The following KIF26B variants were observed in gnomAD, a reference collection of about 807,000 sequenced individuals.
KIF26B encodes kinesin family member 26B, also known as kinesin-like protein KIF26B.
KIF26B carries 63 observed loss-of-function variants against 151.2 expected under a neutral mutation model. That is an observed-to-expected ratio of 0.42 (90% confidence interval 0.34 to 0.51). KIF26B has a LOEUF of 0.51. KIF26B is among the 20% of genes least tolerant of loss of function. The pLI is 0.07. For synonymous variants in KIF26B, 1,357 were observed against 1,262.1 expected, an observed-to-expected ratio of 1.08 and a Z score of -1.59; for missense variants, 2,813 against 2,913.6, an observed-to-expected ratio of 0.97 and a Z score of 0.79.
At chr1:245,312,062 G>A (rs937765226) in intron 2 of KIF26B, among the ~76,000 whole-genome samples, 1 of 152,316 alleles carries the variant, frequency 6.6e-6, no homozygotes, top group Admixed American at 6.5e-5. Context: ...CCTATAAAGA[G>A]CCCAGCATCT....
At chr1:245,561,864 C>T (rs770058548) in intron 5 of KIF26B, among the ~76,000 whole-genome samples, 2 of 152,170 alleles carry the variant, frequency 1.3e-5, no homozygotes, top group African/African-American at 2.4e-5. Context: ...CATCAGTCCA[C>T]CTGATTCTCA....
chr1:245,661,495 C>A (rs1241208986), intron 10 of KIF26B, among the ~76,000 whole-genome samples: 1 of 151,464 alleles, frequency 6.6e-6, no homozygotes, highest in East Asian at 1.9e-4. Context: ...ATATGTACAC[C>A]CATTATATAC....
intron 3 of KIF26B, among the ~76,000 whole-genome samples, chr1:245,372,615 A>G (rs995178347): frequency 6.6e-6 from 1 of 152,170 alleles, no homozygotes; most frequent in African/African-American, 2.4e-5. Flanking sequence ...TGTGACTTTG[A>G]AAGGATGTGT....
intron 2 of KIF26B, among the ~76,000 whole-genome samples, chr1:245,327,069 G>A (rs1672005627): frequency 1.3e-5 from 2 of 152,140 alleles, no homozygotes; most frequent in South Asian, 2.1e-4. Context: ...TTTGTAAACG[G>A]ACCTAAGCCT....
intron 2 of KIF26B, among the ~76,000 whole-genome samples, chr1:245,246,242 A>T (rs1670328926): frequency 6.6e-6 from 1 of 152,216 alleles, no homozygotes; most frequent in African/African-American, 2.4e-5. Context: ...GTCCTTCTTG[A>T]AAAGAACCCC....
At chr1:245,415,638 G>A (rs76044101) in intron 3 of KIF26B, among the ~76,000 whole-genome samples, 2,621 of 152,178 alleles carry the variant, frequency 0.017, 87 homozygotes, top group African/African-American at 0.059. Context: ...AGCAAGCCTC[G>A]CTCTTCTGTT....
intron 4 of KIF26B, among the ~76,000 whole-genome samples, chr1:245,423,479 T>G (rs1469953351): frequency 1.5e-4 from 13 of 85,712 alleles, no homozygotes; most frequent in South Asian, 6.4e-4. Context: ...TATTATAGGG[T>G]TTTTTTTTTT....
chr1:245,552,122 GGTGTGTGTGTGTGTGTGTGTGT>G (rs55650522), intron 5 of KIF26B, among the ~76,000 whole-genome samples: 32 of 131,708 alleles, frequency 2.4e-4, no homozygotes, highest in South Asian at 1.0e-3. Flanking sequence ...GAACCAGCAG[GGTGTGTGTGTGTGTGTGTGTGT>G]GTGTGTGTGT....
In KIF26B at chr1:245,643,477, A is replaced by G. The variant is rs942089683; in HGVS notation, c.2099-2644A>G. Among the ~76,000 whole-genome samples, 32 of 152,354 alleles carry G rather than the reference A, an allele frequency of 2.1e-4. No individual in the cohort carries two copies. The Middle Eastern group carries it at 0.01, about 49-fold the overall frequency. ...CACTTATATAAGGAATAAAAACCTT[A>G]CAATAGTATACTTCCATTTCTCCCG... On this transcript the variant is annotated intron_variant, in intron 9 of 14. Coordinates refer to ENST00000407071, the MANE Select transcript of KIF26B (RefSeq NM_018012.4).
intron 2 of KIF26B, among the ~76,000 whole-genome samples, chr1:245,181,904 G>C (rs576971035): frequency 2.6e-4 from 40 of 152,242 alleles, no homozygotes; most frequent in South Asian, 2.3e-3. Context: ...CAGATAGTTT[G>C]GGTGCAGGCC....
In KIF26B at chr1:245,390,495, G is replaced by A. The variant is rs557870395; in HGVS notation, c.999+23128G>A. Reference sequence around the variant, plus strand: ...TAGGATTACAGGTGTGAGTCACTGCGCCCAGCCTACTTGAGTTTATTTGAT... The same window carrying A: ...TAGGATTACAGGTGTGAGTCACTGCACCCAGCCTACTTGAGTTTATTTGAT... On this transcript the variant is annotated intron_variant, in intron 3 of 14. Transcript: ENST00000407071. 1.0e-3 allele frequency among the ~76,000 whole-genome samples: 154 copies of A among 152,130 alleles called. 1 individual carries two copies. Among genetic ancestry groups the A allele is most frequent in the African/African-American group, 3.5e-3 (147 of 41,496 alleles).
chr1:245,421,466 C>A (rs1470723451), intron 4 of KIF26B, among the ~76,000 whole-genome samples: 1 of 152,086 alleles, frequency 6.6e-6, no homozygotes, highest in Non-Finnish European at 1.5e-5. Flanking sequence ...ACTTGCAATT[C>A]CGATGGCTTC....
At chr1:245,494,023 G>A (rs1386249959) in intron 4 of KIF26B, among the ~76,000 whole-genome samples, 2 of 152,098 alleles carry the variant, frequency 1.3e-5, no homozygotes, top group Non-Finnish European at 2.9e-5. Context: ...AAATCACATG[G>A]CGGGGTGCGG....
At chr1:245,182,643 C>CT (rs1037317559) in intron 2 of KIF26B, among the ~76,000 whole-genome samples, 9 of 149,790 alleles carry the variant, frequency 6.0e-5, no homozygotes, top group South Asian at 4.2e-4. Flanking sequence ...TTTTGAGAAA[C>CT]TTTTTTTTTT....
intron 2 of KIF26B, among the ~76,000 whole-genome samples, chr1:245,315,692 A>G (rs1240070191): frequency 1.3e-5 from 2 of 149,838 alleles, no homozygotes; most frequent in African/African-American, 4.9e-5. Context: ...ACTGCACTCC[A>G]GCCTGGGTGA....
Position 245,200,563 on chromosome 1 carries a change from C to G in KIF26B, c.465+43880C>G, listed in dbSNP as rs554197282. ...TTTCTCCAGCCTCCCAATTCTGTAT[C>G]TCTTTCCCCTTTGAGACTGACTTTT... is the stretch of plus-strand genomic sequence containing the variant. On this transcript the variant is annotated intron_variant, in intron 2 of 14. Coordinates refer to ENST00000407071, the MANE Select transcript of KIF26B (RefSeq NM_018012.4). Among the ~76,000 whole-genome samples the G allele has an allele frequency of 1.2e-4, 19 of 152,324 alleles. No individual in the cohort carries two copies. The East Asian group carries it at 3.3e-3, about 26-fold the overall frequency.
At chr1:245,668,918 C>T (rs1371797713) in intron 10 of KIF26B, among the ~76,000 whole-genome samples, 2 of 151,948 alleles carry the variant, frequency 1.3e-5, no homozygotes, top group Non-Finnish European at 1.5e-5. Flanking sequence ...CGCGAACTCC[C>T]GACCTCAGGT....
rs114246649 is a variant in KIF26B, at chr1:245,686,214, G to A, written c.3231G>A (p.Ser1077=). The change falls in exon 12 of 15, where the codon TCG becomes TCA. Residue 1077 remains serine, a synonymous_variant. Coordinates refer to ENST00000407071, the MANE Select transcript of KIF26B (RefSeq NM_018012.4). This position sits in a 1 kb window ranked among gnomAD's most constrained non-coding sequence, Gnocchi z 5.6. ...GCATCGCCAGCCTGTCCAAGACCTC[G>A]GAGTACAAGCCACCCAGCTCTCCTT... ...RLGIASLSKT[S]EYKPPSSPSQ... 1.3e-3 allele frequency: 2,177 copies of A among 1,612,606 alleles called. 25 individuals are homozygous for A. The African/African-American group carries it at 0.025, about 19-fold the overall frequency.
chr1:245,439,940 G>A (rs1486032447), intron 4 of KIF26B, among the ~76,000 whole-genome samples: 1 of 152,224 alleles, frequency 6.6e-6, no homozygotes. Flanking sequence ...AGTTCTGACA[G>A]GCCAGGTGCG....
Sources: allele counts gnomAD v4.1 joint callset (sites outside exome capture counted in the v4.1 genomes callset), GRCh38; gene constraint gnomAD v4.1.1; non-coding constraint Gnocchi (gnomAD v3.1); transcripts MANE v1.5; gene names NCBI Gene and HGNC (gene_info 2026-07-23, HGNC 2026-07-21).